Variants in VWC2L observed in about 807,000 individuals in gnomAD.
The protein encoded by VWC2L is von Willebrand factor C domain containing 2 like.
A neutral mutation model predicts 21.6 loss-of-function variants in VWC2L; 10 were observed. That is an observed-to-expected ratio of 0.46 (90% confidence interval 0.29 to 0.78). The LOEUF (loss-of-function observed/expected upper bound fraction) is 0.78, where lower values mean the gene tolerates loss of function less well. Among genes scored for constraint, VWC2L ranks in the 30% least tolerant of loss-of-function variants. VWC2L has a pLI of 0.10. For synonymous variants in VWC2L, 96 were observed against 94.3 expected (o/e 1.02, Z -0.10); for missense variants, 209 against 277.1 (o/e 0.75, Z 1.74).
At chr2:214,569,802 C>A (rs1690123191) in intron 3 of VWC2L, among the ~76,000 whole-genome samples, 1 of 152,148 alleles carries the variant, frequency 6.6e-6, no homozygotes, top group South Asian at 2.1e-4. Context: ...GTGATCCTCT[C>A]CTTTAGAGCA....
chr2:214,530,360 C>T (rs189731598), intron 3 of VWC2L, among the ~76,000 whole-genome samples: 1 of 152,150 alleles, frequency 6.6e-6, no homozygotes, highest in African/African-American at 2.4e-5. Flanking sequence ...ACCTGTGGAG[C>T]TCAATGACGA....
At chr2:214,460,138 T>C (rs1376618363) in intron 3 of VWC2L, among the ~76,000 whole-genome samples, 1 of 152,062 alleles carries the variant, frequency 6.6e-6, no homozygotes, top group Non-Finnish European at 1.5e-5. Context: ...TGACCTCAGG[T>C]GATCCGCCTG....
chr2:214,472,026 T>C (rs1703316478), intron 3 of VWC2L: 1 of 152,192 alleles, frequency 6.6e-6, no homozygotes, highest in Non-Finnish European at 1.5e-5. Flanking sequence ...ATGATTGTGT[T>C]TGGAGGAACT....
chr2:214,556,831 A>T (rs1689879908), intron 3 of VWC2L, among the ~76,000 whole-genome samples: 1 of 152,148 alleles, frequency 6.6e-6, no homozygotes, highest in African/African-American at 2.4e-5. Context: ...CTCTCTTGTT[A>T]ATATCTTCCA....
At chr2:214,556,936 C>T (rs1356124234) in intron 3 of VWC2L, among the ~76,000 whole-genome samples, 1 of 152,182 alleles carries the variant, frequency 6.6e-6, no homozygotes, top group Non-Finnish European at 1.5e-5. Context: ...TGACTATCCT[C>T]AGCACATGGT....
chr2:214,569,001 T>A (rs1690109542), intron 3 of VWC2L, among the ~76,000 whole-genome samples: 1 of 152,150 alleles, frequency 6.6e-6, no homozygotes, highest in South Asian at 2.1e-4. Context: ...TTCTAGGGGC[T>A]TTTCCCTTAG....
At chr2:214,483,492 A>G (rs1388545027) in intron 3 of VWC2L, among the ~76,000 whole-genome samples, 3 of 152,054 alleles carry the variant, frequency 2.0e-5, no homozygotes, top group Non-Finnish European at 4.4e-5. Flanking sequence ...GTGAGTTGGT[A>G]CCCAGAATAT....
intron 3 of VWC2L, among the ~76,000 whole-genome samples, chr2:214,564,172 C>A (rs546152372): frequency 1.3e-5 from 2 of 152,188 alleles, no homozygotes; most frequent in South Asian, 4.2e-4. Flanking sequence ...TCAGAGAGGA[C>A]ACAAACAAAT....
intron 3 of VWC2L, among the ~76,000 whole-genome samples, chr2:214,534,564 C>T (rs1689495715): frequency 6.6e-6 from 1 of 152,194 alleles, no homozygotes; most frequent in South Asian, 2.1e-4. Context: ...ATCATCTATT[C>T]ACCACATTGT....
chr2:214,542,971 A>G (rs570834217), intron 3 of VWC2L, among the ~76,000 whole-genome samples: 1 of 152,322 alleles, frequency 6.6e-6, no homozygotes, highest in Non-Finnish European at 1.5e-5. Context: ...CCTTGCAACA[A>G]CTATGAGAAC....
chr2:214,421,245 T>G (rs1702434709), intron 2 of VWC2L, among the ~76,000 whole-genome samples: 1 of 152,224 alleles, frequency 6.6e-6, no homozygotes, highest in African/African-American at 2.4e-5. Context: ...ATTGCATTGA[T>G]AATTGAGTGT....
At position 214,561,784 on chromosome 2, in the gene VWC2L, TTATA is replaced by T. The variant is rs67223012; in HGVS notation, c.521-13865_521-13862del. ...GAGTAATACCTTATCTCAAAAAAAA[TTATA>T]TATATATATATATATATATATACAC... On this transcript the variant is annotated intron_variant, in intron 3 of 3. Coordinates refer to ENST00000312504, the MANE Select transcript of VWC2L (RefSeq NM_001080500.4). Among the ~76,000 whole-genome samples the T allele has an allele frequency of 2.0e-4, 26 of 128,680 alleles. 2 individuals are homozygous for T. The highest frequency in any genetic ancestry group is 8.1e-3 in the Middle Eastern group (2 of 246). The allele number at this position is 128,680 out of a possible 152,430, so 84.4% of individuals were successfully genotyped here.
At chr2:214,561,082 G>A (rs916578086) in intron 3 of VWC2L, among the ~76,000 whole-genome samples, 4 of 152,166 alleles carry the variant, frequency 2.6e-5, no homozygotes, top group African/African-American at 4.8e-5. Flanking sequence ...CTAAAGCAGT[G>A]GTTCTCAAAC....
chr2:214,547,479 G>A (rs1689727633), intron 3 of VWC2L, among the ~76,000 whole-genome samples: 1 of 152,146 alleles, frequency 6.6e-6, no homozygotes, highest in African/African-American at 2.4e-5. Context: ...TCTACCATGT[G>A]GTCTGTTATT....
At chr2:214,554,683 A>C (rs976666550) in intron 3 of VWC2L, among the ~76,000 whole-genome samples, 1 of 152,130 alleles carries the variant, frequency 6.6e-6, no homozygotes, top group African/African-American at 2.4e-5. Flanking sequence ...CAAACAAACA[A>C]AACAAAGCAA....
rs527433269 is a variant in VWC2L, at chr2:214,453,735, T to TC, written c.520+16977_520+16978insC. On this transcript the variant is annotated intron_variant, in intron 3 of 3. Transcript: ENST00000312504. ...CAAAGAATTTTTTTTCTTTTTTTTTTTTTGAGATGGAGTCTCGCTCTGTTG... is the reference window on the plus strand; with the variant it reads ...CAAAGAATTTTTTTTCTTTTTTTTTTCTTTGAGATGGAGTCTCGCTCTGTTG... Among the ~76,000 whole-genome samples the TC allele has an allele frequency of 8.6e-3, 1,310 of 151,626 alleles. 26 individuals are homozygous for TC. Among genetic ancestry groups the TC allele is most frequent in the African/African-American group, 0.03 (1,243 of 41,302 alleles).
intron 3 of VWC2L, among the ~76,000 whole-genome samples, chr2:214,468,170 C>T (rs1486437090): frequency 2.0e-5 from 3 of 152,042 alleles, no homozygotes; most frequent in Admixed American, 6.5e-5. Flanking sequence ...CCACTCACCA[C>T]CGCACCCGGC....
At chr2:214,558,748 G>A (rs1419866635) in intron 3 of VWC2L, among the ~76,000 whole-genome samples, 1 of 150,882 alleles carries the variant, frequency 6.6e-6, no homozygotes. Flanking sequence ...TATGTAAAAA[G>A]TAAATTGGTT....
At chr2:214,525,502 A>G (rs573087790) in intron 3 of VWC2L, among the ~76,000 whole-genome samples, 2 of 152,328 alleles carry the variant, frequency 1.3e-5, no homozygotes, top group South Asian at 4.1e-4. Context: ...TCTTTAGTAT[A>G]TGAATGTGCA....
Sources: gnomAD v4.1 joint callset for allele counts (sites outside exome capture counted in the v4.1 genomes callset) on GRCh38, gnomAD v4.1.1 for gene constraint, MANE v1.5 for transcripts, NCBI Gene and HGNC (gene_info 2026-07-23, HGNC 2026-07-21) for gene names.